Variants in SRSF10 observed in about 807,000 individuals in gnomAD.
The protein encoded by SRSF10 is serine/arginine-rich splicing factor 10.
In SRSF10, 9 loss-of-function variants were observed where a neutral mutation model predicts 32.6. The ratio of observed to expected loss-of-function variants is 0.28; its 90% CI spans 0.17 to 0.48. The LOEUF (loss-of-function observed/expected upper bound fraction) is 0.48. SRSF10 is among the 20% of genes least tolerant of loss of function. SRSF10 has a pLI of 0.99. For synonymous variants in SRSF10, 105 were observed against 112.4 expected (o/e 0.93, Z 0.42); for missense variants, 201 against 331.8 (o/e 0.61, Z 3.06).
In SRSF10 at chr1:23,970,858, CCAA is replaced by C; in HGVS notation, c.*281_*283del. ...AGACAATGTTGCAAATTATGGTCAA[CCAA>C]CATCTTTTCACCAAATACTTCAAGC... On this transcript the variant is annotated 3_prime_UTR_variant, in exon 6 of 6. Transcript: ENST00000492112. 8.6e-7 allele frequency: 1 copy of C among 1,160,248 alleles called. No individual in the cohort carries two copies. Among genetic ancestry groups the C allele is most frequent in the South Asian group, 3.4e-5 (1 of 29,160 alleles). The allele number at this position is 1,160,248 out of a possible 1,614,324, so 71.9% of individuals were successfully genotyped here. A position where few individuals can be genotyped will look rare whatever the true frequency, so the allele number is the denominator to read the frequency against.
In SRSF10 at chr1:23,971,448, A is replaced by G; in HGVS notation, c.492-9T>C. The G allele has an allele frequency of 6.2e-7, 1 of 1,604,078 alleles. No homozygotes were observed. Among genetic ancestry groups the G allele is most frequent in the Non-Finnish European group, 8.5e-7 (1 of 1,177,046 alleles). On this transcript the variant is annotated splice_polypyrimidine_tract_variant and intron_variant, in intron 5 of 5. Transcript: ENST00000492112. ...GATTTCGGTGTTTGAATCTTTCAAA[A>G]CAGAGGAGAGATATAATTAGAGTAA...
chr1:23,968,894 T>C lies in SRSF10; in HGVS notation c.*2248A>G, dbSNP rs763978070. Reference sequence around the variant, plus strand: ...AGCAATCATGAAACAACTTTGATATTACACAATGAATTTTTAACTACTGTG... The same window carrying C: ...AGCAATCATGAAACAACTTTGATATCACACAATGAATTTTTAACTACTGTG... On this transcript the variant is annotated 3_prime_UTR_variant, in exon 6 of 6. Transcript: ENST00000492112. Among the ~76,000 whole-genome samples the C allele has an allele frequency of 5.1e-4, 77 of 152,290 alleles. No homozygotes were observed. Among genetic ancestry groups the C allele is most frequent in the Non-Finnish European group, 1.0e-3 (68 of 67,986 alleles).
At chr1:23,977,815 GTT>G in intron 2 of SRSF10, 1 of 851,924 alleles carries the variant, frequency 1.2e-6, no homozygotes, top group Non-Finnish European at 1.4e-6. Flanking sequence ...CAAGTTACAG[GTT>G]TTGTCACTAG....
Position 23,971,137 on chromosome 1 carries a change from T to A in SRSF10, c.*5A>T. On this transcript the variant is annotated 3_prime_UTR_variant, in exon 6 of 6. Transcript: ENST00000492112. The stretch of plus-strand genomic sequence containing the variant: ...CATGCCTAAAAATGACCATGGTTTA[T>A]ACTATCAGTGGCCACTGGACTTAGG... 6.3e-7 allele frequency: 1 copy of A among 1,597,670 alleles called. No homozygotes were observed.
rs1641357964 is a variant in SRSF10 at position 23,964,430 on chromosome 1, A to C, written c.*6712T>G. 6.6e-6 allele frequency among the ~76,000 whole-genome samples: 1 copy of C among 151,998 alleles called. No homozygotes were observed. Among genetic ancestry groups the C allele is most frequent in the Admixed American group, 6.5e-5 (1 of 15,272 alleles). On this transcript the variant is annotated 3_prime_UTR_variant, in exon 6 of 6. Transcript: ENST00000492112. The stretch of plus-strand genomic sequence containing the variant: ...AAGTCGATGCAATTGCGAGAACCAA[A>C]AATAGCTGGTACAGAGAACTTACCA...
At chr1:23,975,290 G>A in intron 2 of SRSF10, 1 of 520,620 alleles carries the variant, frequency 1.9e-6, no homozygotes, top group Non-Finnish European at 3.4e-6. Context: ...ATTTGAAAAT[G>A]TATGAATACA....
chr1:23,978,689 A>C, intron 2 of SRSF10, 24 bp downstream of exon 2: 3 of 1,605,114 alleles, frequency 1.9e-6, no homozygotes, highest in Non-Finnish European at 1.7e-6. Context: ...CCCCTCACTA[A>C]TCAGCCATCT....
At position 23,965,351 on chromosome 1, in the gene SRSF10, A is replaced by G. The variant is rs1641401935; in HGVS notation, c.*5791T>C. The G allele has an allele frequency of 6.6e-6, 1 of 151,996 alleles. No homozygotes were observed. The highest frequency in any genetic ancestry group is 1.5e-5 in the Non-Finnish European group (1 of 67,832). The allele number at this position is 151,996 out of a possible 1,614,324, so 9.4% of individuals were successfully genotyped here. On this transcript the variant is annotated 3_prime_UTR_variant, in exon 6 of 6. Transcript: ENST00000492112. ...ATACAATGGAAAATCTCTACAAGAG[A>G]ATGAGATTTGGAAAGCCATGCTTAG...
At chr1:23,972,693 C>T (rs1641841308) in intron 3 of SRSF10, among the ~76,000 whole-genome samples, 5 of 151,650 alleles carry the variant, frequency 3.3e-5, no homozygotes, top group African/African-American at 7.3e-5. Context: ...CCACCCGCCT[C>T]GGCCTCCCGA....
intron 1 of SRSF10, among the ~76,000 whole-genome samples, chr1:23,979,823 G>A (rs1181276554): frequency 6.6e-6 from 1 of 151,892 alleles, no homozygotes. Flanking sequence ...AAAATCTCTG[G>A]GCCAAGGGGG....
chr1:23,966,388 T>C lies in SRSF10; in HGVS notation c.*4754A>G, dbSNP rs1641451671. On this transcript the variant is annotated 3_prime_UTR_variant, in exon 6 of 6. Coordinates refer to ENST00000492112, the MANE Select transcript of SRSF10 (RefSeq NM_054016.4). ...ATGACAAAAATCAAATGTGATGAAA[T>C]CAATGTATAGGTAAAGAAACATCAT... 2.0e-5 allele frequency: 3 copies of C among 151,960 alleles called. No individual in the cohort carries two copies. Among genetic ancestry groups the C allele is most frequent in the African/African-American group, 7.2e-5 (3 of 41,422 alleles). 9.4% of individuals were successfully genotyped at this position (151,960 alleles called of 1,614,324 possible). A position where few individuals can be genotyped will look rare whatever the true frequency, so the allele number is the denominator to read the frequency against.
At chr1:23,980,160 C>T (rs916618588) in intron 1 of SRSF10, 31 bp downstream of exon 1, 5 of 1,531,342 alleles carry the variant, frequency 3.3e-6, no homozygotes, top group Non-Finnish European at 4.4e-6. Flanking sequence ...GGCCTCCCCG[C>T]CTAGGCCCGG....
chr1:23,972,532 A>G (rs1017102990), intron 3 of SRSF10, among the ~76,000 whole-genome samples: 2 of 151,386 alleles, frequency 1.3e-5, no homozygotes, highest in African/African-American at 2.4e-5. Context: ...CCTCCACCCC[A>G]CACCAGTTGA....
intron 1 of SRSF10, among the ~76,000 whole-genome samples, chr1:23,979,717 T>C (rs1642332346): frequency 2.0e-5 from 3 of 152,112 alleles, no homozygotes; most frequent in Admixed American, 6.5e-5. Context: ...CCCCCAAATA[T>C]TAACAACGGC....
rs1175967562 is a variant in SRSF10 at position 23,971,558 on chromosome 1, A to G, written c.491+15T>C. On this transcript the variant is annotated intron_variant, in intron 5 of 5. Coordinates refer to ENST00000492112, the MANE Select transcript of SRSF10 (RefSeq NM_054016.4). The stretch of plus-strand genomic sequence containing the variant: ...TAAAAAATACATGAGTCTTTTTCAA[A>G]GCAAAGTTATTTACCTATCATTGTC... 6.8e-6 allele frequency: 11 copies of G among 1,606,486 alleles called. No individual in the cohort carries two copies. Among genetic ancestry groups the G allele is most frequent in the Non-Finnish European group, 9.3e-6 (11 of 1,178,654 alleles).
chr1:23,969,202 A>C lies in SRSF10; in HGVS notation c.*1940T>G. The C allele has an allele frequency of 1.0e-6, 1 of 984,860 alleles. No individual in the cohort carries two copies. Among genetic ancestry groups the C allele is most frequent in the South Asian group, 4.7e-5 (1 of 21,272 alleles). The allele number at this position is 984,860 out of a possible 1,614,324, so 61.0% of individuals were successfully genotyped here. On this transcript the variant is annotated 3_prime_UTR_variant, in exon 6 of 6. Transcript: ENST00000492112. ...AGGTTGTACACAATATTTGTTAAAAAGAACATATAAAAATACCTTTTTAGA... is the reference window on the plus strand; with the variant it reads ...AGGTTGTACACAATATTTGTTAAAACGAACATATAAAAATACCTTTTTAGA...
Position 23,975,077 on chromosome 1 carries a change from T to C in SRSF10, c.171A>G (p.Gln57=). ...TRRPRGFAYV[Q]FEDVRDAEDA... ...CTTCAGCATCACGAACATCCTCAAA[T>C]GTGCTAAATGTTAAGGGGCTTGGGA... The change falls in exon 3 of 6, where the codon CAA becomes CAG. Residue 57 remains glutamine, a splice_region_variant and synonymous_variant. Transcript: ENST00000492112. 6.2e-7 allele frequency: 1 copy of C among 1,613,192 alleles called. No individual in the cohort carries two copies. Among genetic ancestry groups the C allele is most frequent in the Non-Finnish European group, 8.5e-7 (1 of 1,179,516 alleles).
rs1209017644 is a variant in SRSF10, at chr1:23,968,039, T to C, written c.*3103A>G. The stretch of plus-strand genomic sequence containing the variant: ...GTCAGCCCTCATTTGAGTGTTGATA[T>C]AACCATTCTATTTATCATTGAGCCC... On this transcript the variant is annotated 3_prime_UTR_variant, in exon 6 of 6. Transcript: ENST00000492112. 3 of 1,527,038 alleles carry C rather than the reference T, an allele frequency of 2.0e-6. No homozygotes were observed. Among genetic ancestry groups the C allele is most frequent in the South Asian group, 1.2e-5 (1 of 82,572 alleles). 94.6% of individuals were successfully genotyped at this position (1,527,038 alleles called of 1,614,324 possible).
At position 23,970,668 on chromosome 1, in the gene SRSF10, C is replaced by T. The variant is rs1425923639; in HGVS notation, c.*474G>A. ...GCCACCACGCCCAGCCGGGCCTAGACATCTTGACAAGACATAAAGGTCCAC... is the reference window on the plus strand; with the variant it reads ...GCCACCACGCCCAGCCGGGCCTAGATATCTTGACAAGACATAAAGGTCCAC... On this transcript the variant is annotated 3_prime_UTR_variant, in exon 6 of 6. Coordinates refer to ENST00000492112, the MANE Select transcript of SRSF10 (RefSeq NM_054016.4). The T allele has an allele frequency of 1.0e-6, 1 of 986,768 alleles. No homozygotes were observed. The highest frequency in any genetic ancestry group is 1.7e-5 in the African/African-American group (1 of 57,356). The allele number at this position is 986,768 out of a possible 1,614,324, so 61.1% of individuals were successfully genotyped here.
Sources: allele counts gnomAD v4.1 joint callset (sites outside exome capture counted in the v4.1 genomes callset), GRCh38; gene constraint gnomAD v4.1.1; transcripts MANE v1.5; gene names NCBI Gene and HGNC (gene_info 2026-07-23, HGNC 2026-07-21).